Variants in KLC4 observed in about 807,000 individuals in gnomAD.
KLC4 encodes kinesin-like protein 8.
A neutral mutation model predicts 77.2 loss-of-function variants in KLC4; 49 were observed. The ratio of observed to expected loss-of-function variants is 0.63; its 90% CI spans 0.50 to 0.80. The LOEUF is 0.80. Ranked by LOEUF, KLC4 falls within the 30% of genes least tolerant of loss-of-function variation. KLC4 has a pLI of 0.00. For synonymous variants in KLC4, 274 were observed against 314.5 expected, an observed-to-expected ratio of 0.87 and a Z score of 1.36; for missense variants, 669 against 793.5, an observed-to-expected ratio of 0.84 and a Z score of 1.89.
At chr6:43,073,476 C>G in intron 14 of KLC4, 138 bp downstream of exon 14, 1 of 580,152 alleles carries the variant, frequency 1.7e-6, no homozygotes, top group Non-Finnish European at 3.1e-6. Flanking sequence ...CAAGGTGAAA[C>G]TCTCTCCTAA....
Position 43,063,332 on chromosome 6 carries a change from G to A in KLC4, c.489+185G>A, listed in dbSNP as rs146128524. Among the ~76,000 whole-genome samples the A allele has an allele frequency of 3.3e-3, 506 of 152,296 alleles. 3 individuals carry two copies. The highest frequency in any genetic ancestry group is 0.011 in the African/African-American group (455 of 41,542). ...CAGCAAGGGGAAAAACAATATTCAG[G>A]TAATTCAGTCAACATTTAATGAGAT... On this transcript the variant is annotated intron_variant, in intron 3 of 15. Coordinates refer to ENST00000347162, the MANE Select transcript of KLC4 (RefSeq NM_201521.3).
chr6:43,068,111 CAAAAAAA>C (rs763158428), intron 6 of KLC4, among the ~76,000 whole-genome samples: 38 of 25,152 alleles, frequency 1.5e-3, no homozygotes, highest in East Asian at 0.011. Context: ...GACTCCGTCT[CAAAAAAA>C]AAAAAAAAAA....
intron 14 of KLC4, 165 bp downstream of exon 14, chr6:43,073,503 C>T (rs1247648806): frequency 2.4e-5 from 13 of 550,940 alleles, no homozygotes; most frequent in Non-Finnish European, 3.9e-5. Context: ...AAAAATTAGT[C>T]GGGTGTGGTG....
intron 5 of KLC4, 118 bp downstream of exon 5, chr6:43,066,643 T>C: frequency 1.2e-6 from 1 of 834,632 alleles, no homozygotes; most frequent in Non-Finnish European, 1.9e-6. Context: ...GCCTCCCAGA[T>C]ACACCCCAAC....
intron 2 of KLC4, chr6:43,062,576 G>A (rs1384703204): frequency 6.6e-6 from 2 of 304,724 alleles, no homozygotes. Flanking sequence ...GGAAACTATT[G>A]GAATGTTTTT....
At position 43,071,607 on chromosome 6, in the gene KLC4, G is replaced by A. The variant is rs1765731463; in HGVS notation, c.1296G>A (p.Glu432=). 9 of 1,613,664 alleles carry A rather than the reference G, an allele frequency of 5.6e-6. No homozygotes were observed. The highest frequency in any genetic ancestry group is 7.6e-6 in the Non-Finnish European group (9 of 1,179,958). ...TCTGGATGCATGCAGAGGAGCGGGAGGAAATGAGCAAAGTGAGTGGGGGGA... is the reference window on the plus strand; with the variant it reads ...TCTGGATGCATGCAGAGGAGCGGGAAGAAATGAGCAAAGTGAGTGGGGGGA... ...KPIWMHAEER[E]EMSKSRHHEG... is the part of the protein sequence containing the mutation. Residue 432 remains glutamate (E), a synonymous_variant, in exon 10 of 16, where the codon GAG becomes GAA. Transcript: ENST00000347162.
intron 9 of KLC4, 91 bp downstream of exon 9, chr6:43,071,465 G>A: frequency 6.5e-7 from 1 of 1,541,918 alleles, no homozygotes; most frequent in Non-Finnish European, 9.0e-7. Context: ...TTCCCAGGGG[G>A]AGCCAGACCC....
chr6:43,060,927 G>A, intron 1 of KLC4: 1 of 200,946 alleles, frequency 5.0e-6, no homozygotes, highest in Non-Finnish European at 1.0e-5. Flanking sequence ...TTAACCCTGT[G>A]CCATTTGCAG....
chr6:43,065,005 A>C (rs1765341907), intron 3 of KLC4, among the ~76,000 whole-genome samples: 1 of 152,172 alleles, frequency 6.6e-6, no homozygotes, highest in Non-Finnish European at 1.5e-5. Flanking sequence ...ACACACAGAG[A>C]TCAGCATAGG....
chr6:43,071,283 T>A lies in KLC4; in HGVS notation c.1164T>A (p.Cys388Ter). 6.2e-7 allele frequency: 1 copy of A among 1,613,050 alleles called. No homozygotes were observed. The highest frequency in any genetic ancestry group is 1.1e-5 in the South Asian group (1 of 91,052). Residue 388 changes from cysteine to a stop codon, truncating the protein, a stop_gained, in exon 9 of 16, where the codon TGT becomes TGA. Coordinates refer to ENST00000347162, the MANE Select transcript of KLC4 (RefSeq NM_201521.3). LOFTEE classifies it high-confidence loss of function. ...GCCTTTCTGTCCTCCAGGCTTCCTG[T>A]TACCTGAAACAGGGCAAATATGCTG... ...VARTKNNLAS[C>*]YLKQGKYAEA... is the part of the protein sequence containing the mutation.
intron 6 of KLC4, among the ~76,000 whole-genome samples, chr6:43,068,712 G>A (rs1242251364): frequency 1.3e-5 from 2 of 152,054 alleles, no homozygotes; most frequent in Admixed American, 1.3e-4. Flanking sequence ...TTTGGAGACT[G>A]AGGCAGGAGA....
At chr6:43,064,589 T>A (rs1490301703) in intron 3 of KLC4, among the ~76,000 whole-genome samples, 2 of 152,192 alleles carry the variant, frequency 1.3e-5, no homozygotes, top group African/African-American at 4.8e-5. Context: ...ATAGGTTGGA[T>A]TTCCCATTTG....
chr6:43,065,400 G>A, intron 3 of KLC4: 1 of 492,278 alleles, frequency 2.0e-6, no homozygotes, highest in South Asian at 2.8e-5. Flanking sequence ...GTATGAGAAG[G>A]AGGGGAAGTC....
intron 1 of KLC4, chr6:43,060,285 C>T: frequency 6.2e-7 from 1 of 1,613,576 alleles, no homozygotes; most frequent in Non-Finnish European, 8.5e-7. Flanking sequence ...CTGTAGGTCT[C>T]TGGTTAAGTC....
intron 14 of KLC4, 186 bp from the exon 15 acceptor site, chr6:43,073,716 C>T (rs1765842677): frequency 1.7e-6 from 1 of 603,708 alleles, no homozygotes; most frequent in South Asian, 2.0e-5. Context: ...GCCTCCAACT[C>T]CTCTTGGCTC....
chr6:43,067,235 C>T, intron 6 of KLC4, 152 bp downstream of exon 6: 1 of 1,369,024 alleles, frequency 7.3e-7, no homozygotes, highest in Non-Finnish European at 9.5e-7. Flanking sequence ...AGGCACTGTC[C>T]AGTGATCCTA....
intron 8 of KLC4, 64 bp downstream of exon 8, chr6:43,070,929 G>GC (rs1765690824): frequency 4.2e-6 from 2 of 472,122 alleles, no homozygotes; most frequent in African/African-American, 2.2e-5. Flanking sequence ...TGGGGGGAGG[G>GC]GGGGCAGGCG....
intron 6 of KLC4, among the ~76,000 whole-genome samples, chr6:43,069,176 A>G (rs1204535161): frequency 6.6e-6 from 1 of 152,226 alleles, no homozygotes; most frequent in Non-Finnish European, 1.5e-5. Flanking sequence ...TAGAGATATC[A>G]CGCCAAGGCA....
chr6:43,070,537 A>T, intron 7 of KLC4, 82 bp downstream of exon 7: 6 of 1,364,458 alleles, frequency 4.4e-6, no homozygotes, highest in South Asian at 2.6e-5. Context: ...CTCCTCCTTC[A>T]CTTTTTTTTT....
Sources: gnomAD v4.1 joint callset for allele counts (sites outside exome capture counted in the v4.1 genomes callset) on GRCh38, gnomAD v4.1.1 for gene constraint, MANE v1.5 for transcripts, NCBI Gene and HGNC (gene_info 2026-07-23, HGNC 2026-07-21) for gene names.